SDK2: variants seen among roughly 807,000 people sequenced by gnomAD.
The protein encoded by SDK2 is sidekick cell adhesion molecule 2, also known as protein sidekick-2.
SDK2 carries 105 observed loss-of-function variants against 253.9 expected under a neutral mutation model. The ratio of observed to expected loss-of-function variants is 0.41; its 90% CI spans 0.35 to 0.49. The LOEUF (loss-of-function observed/expected upper bound fraction) is 0.49. SDK2 is among the 20% of genes least tolerant of loss of function. SDK2 has a pLI of 0.06. For missense variants in SDK2, 2,608 were observed against 3,003.0 expected (o/e 0.87, Z 3.07); for synonymous variants, 1,249 against 1,234.9 (o/e 1.01, Z -0.24).
In SDK2 at chr17:73,361,404, C is replaced by T. The variant is rs552095714; in HGVS notation, c.5467+280G>A. ...GCAGGGAGAGAAAGAACGAAGCAGGCGCAGTGGCCAGGCCAGGCCTGTGGG... is the reference window on the plus strand; with the variant it reads ...GCAGGGAGAGAAAGAACGAAGCAGGTGCAGTGGCCAGGCCAGGCCTGTGGG... On this transcript the variant is annotated intron_variant, in intron 39 of 44. Coordinates refer to ENST00000392650, the MANE Select transcript of SDK2 (RefSeq NM_001144952.2). The surrounding 1 kb of genome is among the most constrained non-coding windows in gnomAD (Gnocchi z 4.1). Among the ~76,000 whole-genome samples, 5 of 152,284 alleles carry T rather than the reference C, an allele frequency of 3.3e-5. No homozygotes were observed. The highest frequency in any genetic ancestry group is 2.1e-4 in the South Asian group (1 of 4,822).
At chr17:73,498,512 C>G (rs1441799692) in intron 2 of SDK2, among the ~76,000 whole-genome samples, 1 of 152,206 alleles carries the variant, frequency 6.6e-6, no homozygotes, top group Admixed American at 6.5e-5. Flanking sequence ...CAGAAGGCCC[C>G]CAGTCCTTGC....
rs901789606 is a variant in SDK2, at chr17:73,570,210, C to G, written c.65-62613G>C. Among the ~76,000 whole-genome samples, 1 of 151,692 alleles carries G rather than the reference C, an allele frequency of 6.6e-6. No homozygotes were observed. Among genetic ancestry groups the G allele is most frequent in the Non-Finnish European group, 1.5e-5 (1 of 67,898 alleles). On this transcript the variant is annotated intron_variant, in intron 1 of 44. Coordinates refer to ENST00000392650, the MANE Select transcript of SDK2 (RefSeq NM_001144952.2). This position sits in a 1 kb window ranked among gnomAD's most constrained non-coding sequence, Gnocchi z 4.2. The stretch of plus-strand genomic sequence containing the variant: ...GGCCCAGCCTTGCTACCTCCCCTCC[C>G]TGTTTACACCCCTGCCTCCTAAGCA...
intron 40 of SDK2, among the ~76,000 whole-genome samples, chr17:73,355,476 T>C (rs2062584450): frequency 6.6e-6 from 1 of 151,992 alleles, no homozygotes; most frequent in Non-Finnish European, 1.5e-5. Flanking sequence ...TAGCTGGGAT[T>C]ACAGGCACAC....
chr17:73,398,523 G>A (rs1457601499), intron 22 of SDK2, 94 bp from the exon 23 acceptor site: 13 of 1,092,840 alleles, frequency 1.2e-5, no homozygotes, highest in Non-Finnish European at 1.6e-5. Context: ...GAAGAAGTTG[G>A]TTCAGAACCC....
chr17:73,501,039 T>C (rs1407771083), intron 2 of SDK2, among the ~76,000 whole-genome samples: 1 of 152,176 alleles, frequency 6.6e-6, no homozygotes, highest in Middle Eastern at 3.2e-3. Context: ...ACCTGGGAGA[T>C]GGCTCCTGGA....
rs369436062 is a variant in SDK2 at position 73,443,886 on chromosome 17, A to G, written c.614-2963T>C. 1.6e-4 allele frequency among the ~76,000 whole-genome samples: 25 copies of G among 152,236 alleles called. No individual in the cohort carries two copies. In the East Asian group the frequency reaches 4.6e-3, roughly 28 times the overall value. On this transcript the variant is annotated intron_variant, in intron 5 of 44. Coordinates refer to ENST00000392650, the MANE Select transcript of SDK2 (RefSeq NM_001144952.2). This position sits in a 1 kb window ranked among gnomAD's most constrained non-coding sequence, Gnocchi z 4.6. The stretch of plus-strand genomic sequence containing the variant: ...CAAATCTTTCCTAGGTGAATGCTTG[A>G]CACGTGCCAGGCTGTGTTCCAGGCA...
In SDK2 at chr17:73,423,384, A is replaced by G; in HGVS notation, c.1897+2T>C. 1 of 1,457,390 alleles carries G rather than the reference A, an allele frequency of 6.9e-7. No individual in the cohort carries two copies. The highest frequency in any genetic ancestry group is 9.1e-7 in the Non-Finnish European group (1 of 1,093,000). The allele number at this position is 1,457,390 out of a possible 1,614,324, so 90.3% of individuals were successfully genotyped here. Reference sequence around the variant, plus strand: ...TGTTGGAGGTGACCACGGGAAGCTTACTGTTCTCCGACATCTCCAGAATGT... The same window carrying G: ...TGTTGGAGGTGACCACGGGAAGCTTGCTGTTCTCCGACATCTCCAGAATGT... On this transcript the variant is annotated splice_donor_variant, in intron 14 of 44. Transcript: ENST00000392650. LOFTEE classifies it high-confidence loss of function.
intron 1 of SDK2, among the ~76,000 whole-genome samples, chr17:73,588,097 G>C (rs1024803045): frequency 7.2e-5 from 11 of 151,962 alleles, no homozygotes; most frequent in Non-Finnish European, 1.5e-5. Flanking sequence ...TTCTGGCCTG[G>C]CGCGGTGGCT....
intron 1 of SDK2, among the ~76,000 whole-genome samples, chr17:73,547,181 G>T (rs2044979425): frequency 6.6e-6 from 1 of 152,242 alleles, no homozygotes; most frequent in South Asian, 2.1e-4. Context: ...CGCCCTCCAG[G>T]CCTAGGCATG....
In SDK2 at chr17:73,504,958, T is replaced by C. The variant is rs8073776; in HGVS notation, c.224+2480A>G. 4.8e-3 allele frequency among the ~76,000 whole-genome samples: 726 copies of C among 152,234 alleles called. 7 individuals carry two copies. The highest frequency in any genetic ancestry group is 0.017 in the African/African-American group (688 of 41,534). On this transcript the variant is annotated intron_variant, in intron 2 of 44. Transcript: ENST00000392650. Reference sequence around the variant, plus strand: ...GTTTTTAATTGAAGGAAAATCCTGATTGGACCTGCATTCAGGCACACCGTT... The same window carrying C: ...GTTTTTAATTGAAGGAAAATCCTGACTGGACCTGCATTCAGGCACACCGTT...
At chr17:73,419,731 A>C (rs1335652796) in intron 15 of SDK2, among the ~76,000 whole-genome samples, 6 of 16,712 alleles carry the variant, frequency 3.6e-4, no homozygotes, top group East Asian at 1.9e-3. Context: ...AAAAAAACCC[A>C]AAAAAACTCC....
chr17:73,467,511 C>T lies in SDK2; in HGVS notation c.331+4601G>A, dbSNP rs1190428027. ...ACTGCTATGAGTGAGAATGGTTTTGCCAAGTGCTGTGTTTCCCTAGGCCCA... is the reference window on the plus strand; with the variant it reads ...ACTGCTATGAGTGAGAATGGTTTTGTCAAGTGCTGTGTTTCCCTAGGCCCA... On this transcript the variant is annotated intron_variant, in intron 3 of 44. Coordinates refer to ENST00000392650, the MANE Select transcript of SDK2 (RefSeq NM_001144952.2). This position sits in a 1 kb window ranked among gnomAD's most constrained non-coding sequence, Gnocchi z 4.1. Among the ~76,000 whole-genome samples, 1 of 152,130 alleles carries T rather than the reference C, an allele frequency of 6.6e-6. No homozygotes were observed. Among genetic ancestry groups the T allele is most frequent in the African/African-American group, 2.4e-5 (1 of 41,428 alleles).
At chr17:73,373,865 G>A (rs1372054625) in intron 36 of SDK2, among the ~76,000 whole-genome samples, 1 of 150,764 alleles carries the variant, frequency 6.6e-6, no homozygotes, top group African/African-American at 2.5e-5. Flanking sequence ...TCGAACTACT[G>A]ACCTCAGGTG....
intron 1 of SDK2, among the ~76,000 whole-genome samples, chr17:73,549,692 CA>C (rs2045024340): frequency 6.6e-6 from 1 of 152,024 alleles, no homozygotes; most frequent in Non-Finnish European, 1.5e-5. Flanking sequence ...ACACAAACAG[CA>C]ACCCGGTCAG....
At chr17:73,489,382 G>A (rs1386522551) in intron 2 of SDK2, among the ~76,000 whole-genome samples, 1 of 152,156 alleles carries the variant, frequency 6.6e-6, no homozygotes, top group Non-Finnish European at 1.5e-5. Context: ...GAATGACTTT[G>A]TCAAGCTAAT....
chr17:73,393,118 G>A (rs1048008473), intron 27 of SDK2, among the ~76,000 whole-genome samples: 3 of 151,534 alleles, frequency 2.0e-5, no homozygotes, highest in African/African-American at 4.9e-5. Context: ...GGTGGCCAGC[G>A]CCTGTAATCC....
chr17:73,626,064 T>C (rs1403246528), intron 1 of SDK2, among the ~76,000 whole-genome samples: 1 of 143,970 alleles, frequency 6.9e-6, no homozygotes, highest in Admixed American at 6.8e-5. Context: ...ACCTGAGCAC[T>C]GAGCGAGACA....
intron 1 of SDK2, among the ~76,000 whole-genome samples, chr17:73,621,328 T>C (rs1285874843): frequency 6.6e-6 from 1 of 152,182 alleles, no homozygotes; most frequent in Non-Finnish European, 1.5e-5. Context: ...GTAAAATCAA[T>C]ACTTGTTGAA....
chr17:73,466,295 G>A (rs926901298), intron 3 of SDK2, among the ~76,000 whole-genome samples: 18 of 152,248 alleles, frequency 1.2e-4, no homozygotes, highest in South Asian at 8.3e-4. Context: ...CCTGAGTGCC[G>A]TCCAGTCTGG....
Sources: gnomAD v4.1 joint callset for allele counts (sites outside exome capture counted in the v4.1 genomes callset) on GRCh38, gnomAD v4.1.1 for gene constraint, Gnocchi (gnomAD v3.1) non-coding constraint, MANE v1.5 for transcripts, NCBI Gene and HGNC (gene_info 2026-07-23, HGNC 2026-07-21) for gene names.